The following CDH6 variants were observed in gnomAD, a reference collection of about 807,000 sequenced individuals.
The protein encoded by CDH6 is cadherin 6.
In CDH6, 31 loss-of-function variants were observed where a neutral mutation model predicts 78.0. The ratio of observed to expected loss-of-function variants is 0.40; its 90% CI spans 0.30 to 0.54. CDH6 has a LOEUF of 0.54. CDH6 is among the 20% of genes least tolerant of loss of function. The pLI is 0.56. For synonymous variants in CDH6, 376 were observed against 368.8 expected (o/e 1.02, Z -0.23); for missense variants, 724 against 975.9 (o/e 0.74, Z 3.44).
rs1561066578 is a variant in CDH6 at position 31,302,958 on chromosome 5, G to GAAAGAAAGAAAGAGA, written c.999+660_999+661insAAAGAAAGAAAGAGA. 5.7e-5 allele frequency among the ~76,000 whole-genome samples: 6 copies of GAAAGAAAGAAAGAGA among 106,152 alleles called. 1 individual carries two copies. In the East Asian group the frequency reaches 1.5e-3, roughly 26 times the overall value. The allele number at this position is 106,152 out of a possible 152,430, so 69.6% of individuals were successfully genotyped here. A position where few individuals can be genotyped will look rare whatever the true frequency, so the allele number is the denominator to read the frequency against. The stretch of plus-strand genomic sequence containing the variant: ...AAGAAAGAAAGAAAGAAAGAAAGAA[G>GAAAGAAAGAAAGAGA]GAAAGAAAAGAAAGAAAGAAAGAAA... On this transcript the variant is annotated intron_variant, in intron 6 of 11. Transcript: ENST00000265071.
intron 1 of CDH6, among the ~76,000 whole-genome samples, chr5:31,227,415 TTAATA>T (rs1741183601): frequency 6.6e-6 from 1 of 152,176 alleles, no homozygotes; most frequent in Non-Finnish European, 1.5e-5. Context: ...TAGAAGTACA[TTAATA>T]TAATAAGCAT....
intron 7 of CDH6, among the ~76,000 whole-genome samples, chr5:31,311,907 A>C (rs1375310609): frequency 6.6e-6 from 1 of 151,622 alleles, no homozygotes; most frequent in Non-Finnish European, 1.5e-5. Context: ...GCTATTCTAA[A>C]AACTAGTAAT....
intron 2 of CDH6, among the ~76,000 whole-genome samples, chr5:31,270,905 A>G (rs1223734767): frequency 1.3e-5 from 2 of 152,062 alleles, no homozygotes; most frequent in Non-Finnish European, 2.9e-5. Flanking sequence ...TCCCCCCTGC[A>G]ATCCAGGTTG....
intron 6 of CDH6, among the ~76,000 whole-genome samples, chr5:31,302,850 A>AAG (rs1358574248): frequency 6.9e-6 from 1 of 145,604 alleles, no homozygotes; most frequent in East Asian, 2.0e-4. Context: ...GAAAGAAAGA[A>AAG]AGAGAAAGAA....
intron 1 of CDH6, among the ~76,000 whole-genome samples, chr5:31,261,223 T>C (rs192006057): frequency 6.6e-6 from 1 of 152,344 alleles, no homozygotes; most frequent in African/African-American, 2.4e-5. Context: ...TTCATCCTCA[T>C]TGCCCACAAA....
At chr5:31,199,443 T>C (rs58627465) in intron 1 of CDH6, among the ~76,000 whole-genome samples, 2 of 5,260 alleles carry the variant, frequency 3.8e-4, no homozygotes, top group African/African-American at 7.1e-4. Context: ...TGTGTATATA[T>C]ACACACACAT....
chr5:31,198,057 A>T (rs1487096174), intron 1 of CDH6, among the ~76,000 whole-genome samples: 1 of 152,160 alleles, frequency 6.6e-6, no homozygotes, highest in Non-Finnish European at 1.5e-5. Flanking sequence ...AACCCTTCAA[A>T]GAAGTGGTGC....
In CDH6 at chr5:31,302,097, C is replaced by A; in HGVS notation, c.812-14C>A. 1 of 1,577,738 alleles carries A rather than the reference C, an allele frequency of 6.3e-7. No individual in the cohort carries two copies. Among genetic ancestry groups the A allele is most frequent in the South Asian group, 1.1e-5 (1 of 88,038 alleles). ...TAGTCTATGTTTGACTTATATCTGTCTGGTGATTAATAGGTACATACCAGT... is the reference window on the plus strand; with the variant it reads ...TAGTCTATGTTTGACTTATATCTGTATGGTGATTAATAGGTACATACCAGT... On this transcript the variant is annotated splice_polypyrimidine_tract_variant and intron_variant, in intron 5 of 11. Transcript: ENST00000265071.
rs748302165 is a variant in CDH6, at chr5:31,305,362, T to C, written c.1188T>C (p.Ala396=). The C allele has an allele frequency of 2.5e-6, 4 of 1,614,130 alleles. No individual in the cohort carries two copies. Among genetic ancestry groups the C allele is most frequent in the Non-Finnish European group, 1.7e-6 (2 of 1,179,974 alleles). ...LAYILQIRED[A]QINTTIGSVT... is the part of the protein sequence containing the mutation. ...ACATCTTACAAATAAGAGAAGATGC[T>C]CAGATAAACACCACAATAGGCTCCG... Residue 396 remains alanine, a synonymous_variant, in exon 7 of 12, where the codon GCT becomes GCC. Coordinates refer to ENST00000265071, the MANE Select transcript of CDH6 (RefSeq NM_004932.4).
rs564111718 is a variant in CDH6, at chr5:31,251,701, G to A, written c.-128-15645G>A. 5.3e-5 allele frequency: 8 copies of A among 152,260 alleles called. No individual in the cohort carries two copies. The South Asian group carries it at 1.7e-3, about 32-fold the overall frequency. 9.4% of individuals were successfully genotyped at this position (152,260 alleles called of 1,614,324 possible). A position where few individuals can be genotyped will look rare whatever the true frequency, so the allele number is the denominator to read the frequency against. ...TTCCCTCTGAACATTGAAATGTAGAGAAAATGACAGAAGTTAGAATAGCAA... is the reference window on the plus strand; with the variant it reads ...TTCCCTCTGAACATTGAAATGTAGAAAAAATGACAGAAGTTAGAATAGCAA... On this transcript the variant is annotated intron_variant, in intron 1 of 11. Transcript: ENST00000265071.
intron 1 of CDH6, among the ~76,000 whole-genome samples, chr5:31,207,830 T>C (rs575611801): frequency 4.6e-5 from 7 of 152,306 alleles, no homozygotes; most frequent in Non-Finnish European, 7.4e-5. Context: ...AGCAAGAAGA[T>C]TGGGGCCAGC....
At chr5:31,277,605 T>C (rs1003748298) in intron 2 of CDH6, among the ~76,000 whole-genome samples, 1 of 152,212 alleles carries the variant, frequency 6.6e-6, no homozygotes, top group African/African-American at 2.4e-5. Context: ...TTAAATATAT[T>C]GAGCAGTGTT....
intron 1 of CDH6, among the ~76,000 whole-genome samples, chr5:31,239,735 G>T (rs72635212): frequency 2.0e-5 from 3 of 152,084 alleles, no homozygotes; most frequent in Admixed American, 1.3e-4. Flanking sequence ...ACAAGGCAAA[G>T]GCATAGCATT....
At chr5:31,301,174 T>C (rs185609795) in intron 5 of CDH6, among the ~76,000 whole-genome samples, 16 of 152,286 alleles carry the variant, frequency 1.1e-4, no homozygotes, top group African/African-American at 3.6e-4. Context: ...AGTTTAAAAA[T>C]TTTTTTAACC....
chr5:31,263,441 CTT>C (rs35835971), intron 1 of CDH6, among the ~76,000 whole-genome samples: 43,460 of 102,920 alleles, frequency 0.42, 7,405 homozygotes, highest in Middle Eastern at 0.53. Context: ...TTTTTGGGGT[CTT>C]TTTTTTTTTT....
chr5:31,300,420 T>A (rs997292109), intron 5 of CDH6, among the ~76,000 whole-genome samples: 4 of 152,196 alleles, frequency 2.6e-5, no homozygotes, highest in African/African-American at 9.7e-5. Flanking sequence ...CGGGCTTCCT[T>A]TAGGGTAGAG....
intron 1 of CDH6, among the ~76,000 whole-genome samples, chr5:31,245,237 A>T (rs1741712444): frequency 6.6e-6 from 1 of 152,228 alleles, no homozygotes. Context: ...GGCCTAAAAT[A>T]GTCATGGACC....
At position 31,323,032 on chromosome 5, in the gene CDH6, A is replaced by T. The variant is rs1738513855; in HGVS notation, c.2097A>T (p.Leu699=). 1.2e-6 allele frequency: 2 copies of T among 1,614,002 alleles called. No homozygotes were observed. The highest frequency in any genetic ancestry group is 4.5e-5 in the East Asian group (2 of 44,866). The change falls in exon 12 of 12, where the codon CTA becomes CTT. Residue 699 remains leucine, a synonymous_variant. Coordinates refer to ENST00000265071, the MANE Select transcript of CDH6 (RefSeq NM_004932.4). ...ACATTGTGCCCGAAGCCCTTTTCCTACCCCGACGGACTCCAACAGCTCGCG... is the reference window on the plus strand; with the variant it reads ...ACATTGTGCCCGAAGCCCTTTTCCTTCCCCGACGGACTCCAACAGCTCGCG... ...RRDIVPEALF[L]PRRTPTARDN...
At position 31,326,681 on chromosome 5, in the gene CDH6, A is replaced by ATTTTTTTTTTTTTTTTTTTTTT; in HGVS notation, c.*3380_*3401dup. ...AAAGAGTTGTGCAGAAAATCTTAAA[A>ATTTTTTTTTTTTTTTTTTTTTT]TTTTTTTTTTTTTTTTTTTTTTTTT... On this transcript the variant is annotated 3_prime_UTR_variant, in exon 12 of 12. Transcript: ENST00000265071. The ATTTTTTTTTTTTTTTTTTTTTT allele has an allele frequency of 8.1e-6, 1 of 123,722 alleles. No homozygotes were observed. The highest frequency in any genetic ancestry group is 1.6e-5 in the Non-Finnish European group (1 of 61,782). The allele number at this position is 123,722 out of a possible 1,614,324, so 7.7% of individuals were successfully genotyped here.
Sources: allele counts gnomAD v4.1 joint callset (sites outside exome capture counted in the v4.1 genomes callset), GRCh38; gene constraint gnomAD v4.1.1; transcripts MANE v1.5; gene names NCBI Gene and HGNC (gene_info 2026-07-23, HGNC 2026-07-21).